Variants in KSR2 observed in about 807,000 individuals in gnomAD.
The protein encoded by KSR2 is kinase suppressor of ras 2.
A neutral mutation model predicts 107.8 loss-of-function variants in KSR2; 25 were observed. The ratio of observed to expected loss-of-function variants is 0.23; its 90% confidence interval spans 0.17 to 0.32. KSR2 has a LOEUF of 0.32. Among genes scored for constraint, KSR2 ranks in the 10% least tolerant of loss-of-function variants. The pLI is 1.00. For missense variants in KSR2, 887 were observed against 1,268.9 expected, an observed-to-expected ratio of 0.70 and a Z score of 4.57; for synonymous variants, 480 against 507.0, an observed-to-expected ratio of 0.95 and a Z score of 0.71.
chr12:117,794,539 T>A (rs1890537135), intron 3 of KSR2, among the ~76,000 whole-genome samples: 1 of 117,108 alleles, frequency 8.5e-6, no homozygotes, highest in African/African-American at 3.5e-5. Flanking sequence ...ACACACAACA[T>A]GCACACTCAA....
At chr12:117,582,804 A>AT (rs1879748420) in intron 5 of KSR2, among the ~76,000 whole-genome samples, 1 of 152,194 alleles carries the variant, frequency 6.6e-6, no homozygotes, top group South Asian at 2.1e-4. Context: ...AGCAGCTGTG[A>AT]TTTTGGGTTC....
intron 4 of KSR2, among the ~76,000 whole-genome samples, chr12:117,742,193 C>G (rs1888242328): frequency 6.6e-6 from 1 of 152,142 alleles, no homozygotes; most frequent in South Asian, 2.1e-4. Flanking sequence ...GAAAGCAAGT[C>G]CCAGGAATTG....
intron 1 of KSR2, among the ~76,000 whole-genome samples, chr12:117,943,617 C>T (rs552369791): frequency 4.7e-5 from 7 of 148,816 alleles, no homozygotes; most frequent in Admixed American, 3.4e-4. Flanking sequence ...TGGGCAGATA[C>T]ATACAATGGA....
At chr12:117,820,756 T>C (rs769303948) in intron 3 of KSR2, among the ~76,000 whole-genome samples, 3 of 151,132 alleles carry the variant, frequency 2.0e-5, no homozygotes, top group Non-Finnish European at 4.4e-5. Flanking sequence ...TCAGAGTCAG[T>C]GTGAAAAAAA....
chr12:117,542,016 C>G (rs1393075), intron 9 of KSR2, among the ~76,000 whole-genome samples: 101,353 of 151,942 alleles, frequency 0.67, 34,053 homozygotes, highest in African/African-American at 0.74. Flanking sequence ...ATCCTGAGTA[C>G]CTGGGACCAC....
chr12:117,779,848 C>A (rs1889824521), intron 3 of KSR2, among the ~76,000 whole-genome samples: 1 of 152,158 alleles, frequency 6.6e-6, no homozygotes, highest in Non-Finnish European at 1.5e-5. Flanking sequence ...TTGAGTATTT[C>A]TTTATAGTGG....
intron 3 of KSR2, among the ~76,000 whole-genome samples, chr12:117,770,976 C>CAAA (rs61641342): frequency 0.04 from 2,614 of 66,098 alleles, 82 homozygotes; most frequent in East Asian, 0.13. Context: ...GACTCCGTCT[C>CAAA]AAAAAAAAAA....
chr12:117,776,850 C>T (rs1448403885), intron 3 of KSR2, among the ~76,000 whole-genome samples: 1 of 151,994 alleles, frequency 6.6e-6, no homozygotes, highest in East Asian at 1.9e-4. Context: ...CCTCATGACC[C>T]TTACCACTCA....
chr12:117,732,292 T>C (rs1887758747), intron 4 of KSR2, among the ~76,000 whole-genome samples: 1 of 150,258 alleles, frequency 6.7e-6, no homozygotes, highest in South Asian at 2.1e-4. Flanking sequence ...CTGAATTTTT[T>C]TCTTTTTTTT....
At chr12:117,860,511 C>G in intron 1 of KSR2, 80 bp from the exon 2 acceptor site, 1 of 1,385,278 alleles carries the variant, frequency 7.2e-7, no homozygotes, top group African/African-American at 1.4e-5. Flanking sequence ...CCCCTACGAA[C>G]CCCCACCCTA....
intron 7 of KSR2, among the ~76,000 whole-genome samples, chr12:117,573,326 C>T (rs1879024380): frequency 6.6e-6 from 1 of 152,038 alleles, no homozygotes; most frequent in Non-Finnish European, 1.5e-5. Context: ...CAAGGATGAA[C>T]ATGTCATTGA....
rs767747340 is a variant in KSR2, at chr12:117,667,656, G to A, written c.989C>T (p.Ala330Val). 2 of 1,571,588 alleles carry A rather than the reference G, an allele frequency of 1.3e-6. No individual in the cohort carries two copies. The highest frequency in any genetic ancestry group is 1.7e-6 in the Non-Finnish European group (2 of 1,161,436). The change falls in exon 5 of 20, where the codon GCC becomes GTC. Residue 330 changes from alanine to valine, a missense_variant and splice_region_variant. By Grantham distance (64) the Ala-to-Val change is moderately conservative. Around this residue, in one of 8 missense-constraint regions of KSR2, gnomAD observed 399 missense variants for 479.5 expected, o/e 0.83. Transcript: ENST00000339824. The part of the protein sequence containing the change: ...HRVDEAHTPK[A>V]KKKSKPLNLK... ...GTTCAAGGGTTTGCTCTTCTTCTTG[G>A]CTCTGAAAGGGAGACAGAAAAAGAG...
intron 14 of KSR2, among the ~76,000 whole-genome samples, chr12:117,506,225 C>A (rs534508858): frequency 2.6e-4 from 39 of 152,330 alleles, no homozygotes; most frequent in Admixed American, 4.6e-4. Context: ...AACGAAACAT[C>A]TTCTCTGTCA....
chr12:117,714,283 T>C (rs1266289492), intron 4 of KSR2, among the ~76,000 whole-genome samples: 2 of 152,156 alleles, frequency 1.3e-5, no homozygotes, highest in Non-Finnish European at 2.9e-5. Context: ...ATGCAACTTT[T>C]TCTTCACCCC....
At chr12:117,468,370 C>T (rs1871259152) in intron 19 of KSR2, among the ~76,000 whole-genome samples, 1 of 152,206 alleles carries the variant, frequency 6.6e-6, no homozygotes, top group Non-Finnish European at 1.5e-5. Context: ...CCCCAGGCCA[C>T]ACAGCTATTA....
chr12:117,761,609 A>G, intron 3 of KSR2, 85 bp from the exon 4 acceptor site: 1 of 1,261,748 alleles, frequency 7.9e-7, no homozygotes, highest in South Asian at 1.2e-5. Flanking sequence ...TACATCATAC[A>G]CACATTACAC....
In KSR2 at chr12:117,752,258, T is replaced by A. The variant is rs141800820; in HGVS notation, c.986+8753A>T. ...AGGCCAGCTGAAGTTTTTGACATAC[T>A]GTTCCATAAGGGTGGAGGTGAAATG... On this transcript the variant is annotated intron_variant, in intron 4 of 19. Transcript: ENST00000339824. 1.6e-4 allele frequency among the ~76,000 whole-genome samples: 24 copies of A among 152,360 alleles called. No individual in the cohort carries two copies. The East Asian group carries it at 4.6e-3, about 29-fold the overall frequency.
chr12:117,834,265 G>T (rs2723281), intron 3 of KSR2, among the ~76,000 whole-genome samples: 125,693 of 152,012 alleles, frequency 0.83, 52,470 homozygotes, highest in African/African-American at 0.93. Flanking sequence ...CCTCTGGTCA[G>T]TGGTACAAAG....
chr12:117,725,084 TCACACACA>T (rs35413272), intron 4 of KSR2, among the ~76,000 whole-genome samples: 15 of 121,590 alleles, frequency 1.2e-4, no homozygotes, highest in East Asian at 9.1e-4. Context: ...TCTCTCTCTC[TCACACACA>T]CACACACACA....
Sources: gnomAD v4.1 joint callset for allele counts (sites outside exome capture counted in the v4.1 genomes callset) on GRCh38, gnomAD v4.1.1 for gene constraint, gnomAD v4.1.1 regional missense constraint, MANE v1.5 for transcripts, NCBI Gene and HGNC (gene_info 2026-07-23, HGNC 2026-07-21) for gene names.